Variants in ANKFN1 observed in about 807,000 individuals in gnomAD.
The protein encoded by ANKFN1 is ankyrin repeat and fibronectin type III domain containing 1, also known as ankyrin repeat and fibronectin type-III domain-containing protein 1.
ANKFN1 carries 74 observed loss-of-function variants against 108.7 expected under a neutral mutation model. The observed-to-expected ratio is 0.68, with a 90% CI of 0.56 to 0.83. The LOEUF is 0.83. Ranked by LOEUF, ANKFN1 falls within the 40% of genes least tolerant of loss-of-function variation. The pLI is 0.00. For synonymous variants in ANKFN1, 547 were observed against 516.2 expected (o/e 1.06, Z -0.81); for missense variants, 1,505 against 1,382.3 (o/e 1.09, Z -1.41).
intron 8 of ANKFN1, among the ~76,000 whole-genome samples, chr17:56,404,927 C>G (rs1230764514): frequency 6.6e-6 from 1 of 152,200 alleles, no homozygotes; most frequent in East Asian, 1.9e-4. Flanking sequence ...ATTGTTGTCT[C>G]TCTTCTGGGT....
chr17:56,117,633 C>A (rs16956671), intron 4 of ANKFN1, among the ~76,000 whole-genome samples: 1 of 152,058 alleles, frequency 6.6e-6, no homozygotes, highest in East Asian at 1.9e-4. Flanking sequence ...ATAGCCAAGA[C>A]GAAAACTGGA....
chr17:56,336,020 T>C (rs1015507157), intron 4 of ANKFN1, among the ~76,000 whole-genome samples: 1 of 152,226 alleles, frequency 6.6e-6, no homozygotes, highest in Middle Eastern at 3.2e-3. Context: ...ATTACGTTTA[T>C]TGATTTTTGT....
At chr17:56,129,700 G>A (rs1052043556) in intron 4 of ANKFN1, among the ~76,000 whole-genome samples, 9 of 152,144 alleles carry the variant, frequency 5.9e-5, no homozygotes, top group South Asian at 4.2e-4. Context: ...TCTTCTCAAC[G>A]CTGTGGTTTT....
intron 4 of ANKFN1, among the ~76,000 whole-genome samples, chr17:56,081,516 G>C (rs1007060601): frequency 2.0e-5 from 3 of 151,804 alleles, no homozygotes; most frequent in African/African-American, 7.2e-5. Context: ...CCACGCCCAG[G>C]TAATTTTTGT....
intron 11 of ANKFN1, among the ~76,000 whole-genome samples, chr17:56,454,883 T>G (rs2049632952): frequency 6.6e-6 from 1 of 152,198 alleles, no homozygotes; most frequent in African/African-American, 2.4e-5. Flanking sequence ...GTTGTTGTTT[T>G]GGGTGTTCGT....
chr17:56,135,755 A>G (rs550424186), intron 4 of ANKFN1, among the ~76,000 whole-genome samples: 53 of 152,268 alleles, frequency 3.5e-4, no homozygotes, highest in African/African-American at 9.9e-4. Flanking sequence ...TATTTACTCT[A>G]TGTTTAAGCT....
intron 1 of ANKFN1, among the ~76,000 whole-genome samples, chr17:56,174,559 A>C (rs1232820562): frequency 1.3e-5 from 2 of 152,054 alleles, no homozygotes. Flanking sequence ...TTGGTGATTC[A>C]TGGTTGTTTT....
intron 4 of ANKFN1, among the ~76,000 whole-genome samples, chr17:56,076,920 A>G (rs1326333620): frequency 2.0e-5 from 3 of 152,210 alleles, no homozygotes; most frequent in African/African-American, 7.2e-5. Flanking sequence ...CTTATGATAG[A>G]TTTGATTTCT....
chr17:56,229,962 T>C (rs1309993339), intron 3 of ANKFN1, among the ~76,000 whole-genome samples: 6 of 152,130 alleles, frequency 3.9e-5, no homozygotes, highest in African/African-American at 1.4e-4. Context: ...AATCTTGACC[T>C]GGGTTCTTTT....
intron 3 of ANKFN1, among the ~76,000 whole-genome samples, chr17:56,277,400 C>A (rs569770754): frequency 1.2e-3 from 178 of 152,054 alleles, no homozygotes; most frequent in African/African-American, 4.2e-3. Flanking sequence ...CATTTATTGA[C>A]CTACAGAGTT....
chr17:56,225,677 G>C (rs1468649276), intron 2 of ANKFN1, among the ~76,000 whole-genome samples: 1 of 152,196 alleles, frequency 6.6e-6, no homozygotes, highest in African/African-American at 2.4e-5. Context: ...TTCTTTGTCT[G>C]TTGTGGAAAT....
chr17:56,500,311 C>T (rs2051327411), intron 20 of ANKFN1, among the ~76,000 whole-genome samples: 1 of 152,098 alleles, frequency 6.6e-6, no homozygotes, highest in Admixed American at 6.6e-5. Flanking sequence ...TTTAAAACTC[C>T]AATGTGTAAA....
At chr17:56,104,086 T>C (rs1268801963) in intron 4 of ANKFN1, among the ~76,000 whole-genome samples, 1 of 152,214 alleles carries the variant, frequency 6.6e-6, no homozygotes, top group Non-Finnish European at 1.5e-5. Context: ...TGAGGATGTC[T>C]CTGTCTTCTT....
intron 1 of ANKFN1, among the ~76,000 whole-genome samples, chr17:56,196,212 C>T (rs1417618527): frequency 6.6e-6 from 1 of 152,146 alleles, no homozygotes; most frequent in Non-Finnish European, 1.5e-5. Flanking sequence ...TCCATGATTG[C>T]ACCACTGTGC....
chr17:56,147,444 G>C (rs905771140), intron 4 of ANKFN1, among the ~76,000 whole-genome samples: 3 of 152,148 alleles, frequency 2.0e-5, no homozygotes, highest in African/African-American at 7.2e-5. Flanking sequence ...CACATTACTA[G>C]GGAGGCCTCA....
At chr17:56,421,411 C>T (rs572989202) in intron 8 of ANKFN1, among the ~76,000 whole-genome samples, 1 of 152,284 alleles carries the variant, frequency 6.6e-6, no homozygotes, top group South Asian at 2.1e-4. Flanking sequence ...TATTAACTAC[C>T]TTGCCATCTT....
chr17:56,495,360 T>G (rs1321163665), intron 19 of ANKFN1, among the ~76,000 whole-genome samples: 1 of 151,818 alleles, frequency 6.6e-6, no homozygotes, highest in African/African-American at 2.4e-5. Context: ...ACTCTGTCTC[T>G]CAAAATGAAA....
rs903395229 is a variant in ANKFN1 at position 56,510,806 on chromosome 17, C to T, written c.2978C>T (p.Pro993Leu). The change falls in exon 21 of 21, where the codon CCG becomes CTG. Residue 993 changes from proline to leucine, a missense_variant. Physicochemically the swap from Pro to Leu is moderately conservative, Grantham distance 98. Coordinates refer to ENST00000682825, the MANE Select transcript of ANKFN1 (RefSeq NM_001370326.1). ...AAGACTGTGTCCGGTGGGCGGCCCC[C>T]GCTAGGCTTCCTGGGAAAGCGGAAG... ...HAKTVSGGRP[P>L]LGFLGKRKPG... The T allele has an allele frequency of 8.5e-6, 13 of 1,536,016 alleles. No homozygotes were observed. The African/African-American group carries it at 1.4e-4, about 16-fold the overall frequency.
chr17:56,401,561 T>C (rs1379179146), intron 8 of ANKFN1, among the ~76,000 whole-genome samples: 2 of 152,102 alleles, frequency 1.3e-5, no homozygotes, highest in Non-Finnish European at 2.9e-5. Flanking sequence ...CCAAATTTTT[T>C]TATCAGTTCT....
Sources: gnomAD v4.1 joint callset for allele counts (sites outside exome capture counted in the v4.1 genomes callset) on GRCh38, gnomAD v4.1.1 for gene constraint, MANE v1.5 for transcripts, NCBI Gene and HGNC (gene_info 2026-07-23, HGNC 2026-07-21) for gene names.